The following ENTPD1 variants were observed in gnomAD, a reference collection of about 807,000 sequenced individuals.
ENTPD1 encodes ectonucleoside triphosphate diphosphohydrolase 1, also known as ATP diphosphohydrolase.
Under a neutral mutation model 57.0 loss-of-function variants are expected in ENTPD1, and 33 were observed. The observed-to-expected ratio is 0.58, with a 90% CI of 0.44 to 0.77. The LOEUF (loss-of-function observed/expected upper bound fraction) is 0.77. ENTPD1 is among the 30% of genes least tolerant of loss of function. ENTPD1 has a pLI of 0.00. For synonymous variants in ENTPD1, 202 were observed against 218.8 expected (o/e 0.92, Z 0.68); for missense variants, 501 against 603.4 (o/e 0.83, Z 1.78).
At chr10:95,821,709 G>C (rs1176670735) in intron 1 of ENTPD1, among the ~76,000 whole-genome samples, 1 of 152,158 alleles carries the variant, frequency 6.6e-6, no homozygotes, top group African/African-American at 2.4e-5. Context: ...ATTTTGTATT[G>C]TTTGGTCTGA....
chr10:95,845,533 A>G lies in ENTPD1; in HGVS notation c.750A>G (p.Thr250=), dbSNP rs2098433476. ...RLYGKDYNVY[T]HSFLCYGKDQ... The stretch of plus-strand genomic sequence containing the variant: ...ATGGCAAGGACTACAATGTCTACAC[A>G]CATAGCTTCTTGTGCTATGGGAAGG... Residue 250 remains threonine, a synonymous_variant, in exon 6 of 10, where the codon ACA becomes ACG. Transcript: ENST00000371205. 1 of 1,614,058 alleles carries G rather than the reference A, an allele frequency of 6.2e-7. No individual in the cohort carries two copies. Among genetic ancestry groups the G allele is most frequent in the Admixed American group, 1.7e-5 (1 of 60,010 alleles).
In ENTPD1 at chr10:95,868,627, A is replaced by C; in HGVS notation, c.*2244A>C. 1 of 983,646 alleles carries C rather than the reference A, an allele frequency of 1.0e-6. No homozygotes were observed. Among genetic ancestry groups the C allele is most frequent in the African/African-American group, 1.7e-5 (1 of 57,336 alleles). 60.9% of individuals were successfully genotyped at this position (983,646 alleles called of 1,614,324 possible). On this transcript the variant is annotated 3_prime_UTR_variant, in exon 10 of 10. Transcript: ENST00000371205. ...ATTCTGACCCTCACAACAACCCATA[A>C]GGGTGTAAATAGTATTTCCATTTTA...
Position 95,876,376 on chromosome 10 carries a change from A to G in ENTPD1, c.*9993A>G, listed in dbSNP as rs560111796. 187 of 1,231,388 alleles carry G rather than the reference A, an allele frequency of 1.5e-4. 2 individuals carry two copies. The South Asian group carries it at 6.9e-3, about 45-fold the overall frequency. The allele number at this position is 1,231,388 out of a possible 1,614,324, so 76.3% of individuals were successfully genotyped here. ...TCTTAGAATGAACTACTCAGCACCA[A>G]TTCTAAGTTTTTCTTGATGGTAAAT... On this transcript the variant is annotated 3_prime_UTR_variant, in exon 10 of 10. Transcript: ENST00000371205.
At chr10:95,808,602 A>G (rs1264578926) in intron 1 of ENTPD1, among the ~76,000 whole-genome samples, 1 of 152,164 alleles carries the variant, frequency 6.6e-6, no homozygotes, top group East Asian at 1.9e-4. Flanking sequence ...TAGAGGAGGC[A>G]TTCTTCATCA....
At chr10:95,768,045 G>A (rs1215574065) in intron 1 of ENTPD1, among the ~76,000 whole-genome samples, 1 of 152,374 alleles carries the variant, frequency 6.6e-6, no homozygotes, top group South Asian at 2.1e-4. Flanking sequence ...GCCCTTGCCA[G>A]ATGCTGGCCC....
intron 7 of ENTPD1, among the ~76,000 whole-genome samples, chr10:95,856,415 C>T (rs1389383909): frequency 6.6e-6 from 1 of 152,056 alleles, no homozygotes; most frequent in Non-Finnish European, 1.5e-5. Flanking sequence ...CCAGTACAAC[C>T]ACTATGGAAA....
intron 1 of ENTPD1, among the ~76,000 whole-genome samples, chr10:95,728,775 C>T (rs1037606605): frequency 1.3e-5 from 2 of 152,162 alleles, no homozygotes; most frequent in Admixed American, 6.5e-5. Context: ...GCTATGAAAT[C>T]ATTACAATAG....
chr10:95,866,236 C>G lies in ENTPD1; in HGVS notation c.1386C>G (p.Ile462Met), dbSNP rs141890595. The G allele has an allele frequency of 1.9e-6, 3 of 1,614,010 alleles. No individual in the cohort carries two copies. In the African/African-American group the frequency reaches 4.0e-5, roughly 22 times the overall value. Reference sequence around the variant, plus strand: ...ACATGCTGAACCTGACCAACATGATCCCAGCTGAGCAACCATTGTCCACAC... The same window carrying G: ...ACATGCTGAACCTGACCAACATGATGCCAGCTGAGCAACCATTGTCCACAC... ...LGYMLNLTNMIPAEQPLSTPL... is the reference protein window; with the variant it reads ...LGYMLNLTNMMPAEQPLSTPL... The change falls in exon 10 of 10, where the codon ATC becomes ATG. Residue 462 changes from isoleucine (I) to methionine (M), a missense_variant. Physicochemically the swap from Ile to Met is conservative, Grantham distance 10. Transcript: ENST00000371205.
At chr10:95,807,475 G>A (rs1280586501) in intron 1 of ENTPD1, among the ~76,000 whole-genome samples, 2 of 152,206 alleles carry the variant, frequency 1.3e-5, no homozygotes, top group South Asian at 2.1e-4. Flanking sequence ...CAGGTGAGGC[G>A]ATGCCCCGCC....
intron 1 of ENTPD1, among the ~76,000 whole-genome samples, chr10:95,790,372 A>G (rs956869838): frequency 3.3e-5 from 5 of 152,216 alleles, no homozygotes; most frequent in African/African-American, 1.2e-4. Context: ...ATTGGTCAAC[A>G]GACTATTAGT....
chr10:95,733,107 C>T (rs759839843), intron 1 of ENTPD1, among the ~76,000 whole-genome samples: 4 of 152,188 alleles, frequency 2.6e-5, no homozygotes, highest in Non-Finnish European at 1.5e-5. Context: ...CCCTTATCTT[C>T]AACCATAAAA....
chr10:95,821,126 A>T (rs909414381), intron 1 of ENTPD1, among the ~76,000 whole-genome samples: 2 of 152,256 alleles, frequency 1.3e-5, no homozygotes, highest in African/African-American at 4.8e-5. Context: ...GTTTGTCAAC[A>T]TCACAACGTT....
intron 1 of ENTPD1, among the ~76,000 whole-genome samples, chr10:95,815,262 T>G (rs955018839): frequency 3.3e-5 from 5 of 152,182 alleles, no homozygotes; most frequent in Admixed American, 2.6e-4. Context: ...GGACAATGAT[T>G]TAAGGCATTG....
intron 2 of ENTPD1, among the ~76,000 whole-genome samples, chr10:95,825,545 G>C (rs1391977232): frequency 6.6e-6 from 1 of 151,960 alleles, no homozygotes; most frequent in Non-Finnish European, 1.5e-5. Context: ...TTTTTTGTTT[G>C]TTTGTTTGTT....
upstream of ENTPD1, among the ~76,000 whole-genome samples, chr10:95,708,547 A>G (rs1480823987): frequency 6.6e-6 from 1 of 152,242 alleles, no homozygotes; most frequent in Non-Finnish European, 1.5e-5. Flanking sequence ...TTCCGGAGAA[A>G]TCCACACAAG....
chr10:95,835,119 A>G (rs1466336225), intron 2 of ENTPD1, among the ~76,000 whole-genome samples: 2 of 151,968 alleles, frequency 1.3e-5, no homozygotes, highest in Non-Finnish European at 1.5e-5. Context: ...TGGAATCCCT[A>G]GTGTTTATTG....
rs563443387 is a variant in ENTPD1, at chr10:95,732,999, T to G, written c.37+21006T>G. On this transcript the variant is annotated intron_variant, in intron 1 of 9. Transcript: ENST00000453258. Reference sequence around the variant, plus strand: ...TAACATCTTATCAGGAGACAGGGTTTGAGAGCAGACAACCAGTCTGACTAA... The same window carrying G: ...TAACATCTTATCAGGAGACAGGGTTGGAGAGCAGACAACCAGTCTGACTAA... Among the ~76,000 whole-genome samples the G allele has an allele frequency of 1.8e-4, 28 of 152,276 alleles. 1 individual carries two copies. Among genetic ancestry groups the G allele is most frequent in the African/African-American group, 5.8e-4 (24 of 41,542 alleles).
chr10:95,741,452 GA>G (rs139979795), intron 1 of ENTPD1, among the ~76,000 whole-genome samples: 1 of 152,220 alleles, frequency 6.6e-6, no homozygotes, highest in Non-Finnish European at 1.5e-5. Context: ...TAATAATAAT[GA>G]AAAATTTTAA....
At chr10:95,752,993 C>G (rs1304535442), upstream of ENTPD1, among the ~76,000 whole-genome samples, 1 of 152,000 alleles carries the variant, frequency 6.6e-6, no homozygotes, top group Non-Finnish European at 1.5e-5. Flanking sequence ...ATTTTATATG[C>G]ATAGGGGGAT....
Sources: gnomAD v4.1 joint callset for allele counts (sites outside exome capture counted in the v4.1 genomes callset) on GRCh38, gnomAD v4.1.1 for gene constraint, MANE v1.5 for transcripts, NCBI Gene and HGNC (gene_info 2026-07-23, HGNC 2026-07-21) for gene names.